Variants in SEMA3D observed in about 807,000 individuals in gnomAD.
The protein encoded by SEMA3D is semaphorin-3D.
SEMA3D carries 84 observed loss-of-function variants against 100.1 expected under a neutral mutation model. The observed-to-expected ratio is 0.84, with a 90% CI of 0.70 to 1.01. SEMA3D has a LOEUF of 1.01. SEMA3D is among the 50% of genes least tolerant of loss of function. The pLI is 0.00. For missense variants in SEMA3D, 875 were observed against 934.1 expected (o/e 0.94, Z 0.82); for synonymous variants, 312 against 320.7 (o/e 0.97, Z 0.29).
chr7:85,019,018 A>G (rs547927689), intron 14 of SEMA3D, among the ~76,000 whole-genome samples: 34 of 133,504 alleles, frequency 2.5e-4, no homozygotes, highest in African/African-American at 1.2e-3. Context: ...GAAATATATG[A>G]AAAAAAATTT....
At chr7:85,232,124 A>G in the SEMA3D span, among the ~76,000 whole-genome samples, 3 of 152,164 alleles carry the variant, frequency 2.0e-5, no homozygotes, top group Admixed American at 1.3e-4. Context: ...GCTACGAAAA[A>G]TGAGTGCATT....
At chr7:85,098,368 C>T (rs1293996283) in intron 3 of SEMA3D, among the ~76,000 whole-genome samples, 1 of 151,690 alleles carries the variant, frequency 6.6e-6, no homozygotes, top group Non-Finnish European at 1.5e-5. Context: ...AAATATTTTA[C>T]AACCCTGTGT....
chr7:85,227,801 G>T, the SEMA3D span, among the ~76,000 whole-genome samples: 2 of 151,960 alleles, frequency 1.3e-5, no homozygotes, highest in Admixed American at 6.6e-5. Flanking sequence ...TTTCTAAGTT[G>T]GACCTTATTA....
intron 1 of SEMA3D, among the ~76,000 whole-genome samples, chr7:85,176,555 T>A (rs1009481978): frequency 2.6e-5 from 4 of 152,096 alleles, no homozygotes; most frequent in Admixed American, 6.6e-5. Context: ...AAGCACAGAA[T>A]CAGGTCATTA....
the SEMA3D span, among the ~76,000 whole-genome samples, chr7:85,212,401 C>G: frequency 2.1e-4 from 32 of 152,172 alleles, no homozygotes; most frequent in Admixed American, 5.9e-4. Flanking sequence ...AATGGAAAAC[C>G]CTTCAGCCTT....
At chr7:85,216,478 A>G in the SEMA3D span, among the ~76,000 whole-genome samples, 27 of 152,004 alleles carry the variant, frequency 1.8e-4, no homozygotes, top group South Asian at 1.5e-3. Flanking sequence ...CATGTATACA[A>G]TTGTTGAAAT....
intron 3 of SEMA3D, among the ~76,000 whole-genome samples, chr7:85,104,541 C>T (rs556874943): frequency 6.6e-6 from 1 of 151,894 alleles, no homozygotes; most frequent in Non-Finnish European, 1.5e-5. Flanking sequence ...TACAATTGTT[C>T]ATTCAGCCTG....
At chr7:85,001,414 A>T (rs1789651422) in intron 18 of SEMA3D, among the ~76,000 whole-genome samples, 1 of 152,222 alleles carries the variant, frequency 6.6e-6, no homozygotes, top group Non-Finnish European at 1.5e-5. Context: ...ATTAATTTAC[A>T]TTCTCAGAAA....
At chr7:85,071,056 C>T (rs765503177) in intron 6 of SEMA3D, among the ~76,000 whole-genome samples, 6 of 152,172 alleles carry the variant, frequency 3.9e-5, no homozygotes, top group Non-Finnish European at 5.9e-5. Context: ...TGAGCCACTG[C>T]GTCCGGCCAG....
chr7:85,122,112 G>A (rs778001374), intron 2 of SEMA3D, among the ~76,000 whole-genome samples, 181 bp from the exon 3 acceptor site: 18 of 151,746 alleles, frequency 1.2e-4, no homozygotes, highest in Non-Finnish European at 2.1e-4. Context: ...GGGAGGGAGA[G>A]CATTAGGAGA....
intron 4 of SEMA3D, among the ~76,000 whole-genome samples, chr7:85,087,620 G>C (rs1788263841): frequency 6.6e-6 from 1 of 152,124 alleles, no homozygotes; most frequent in African/African-American, 2.4e-5. Context: ...CTGGCAAACA[G>C]AAGTAAATAA....
chr7:85,014,320 C>T (rs1316194091), intron 16 of SEMA3D, among the ~76,000 whole-genome samples: 3 of 151,716 alleles, frequency 2.0e-5, no homozygotes, highest in Non-Finnish European at 2.9e-5. Flanking sequence ...AAATAATTAA[C>T]ATAGTATATT....
intron 2 of SEMA3D, chr7:85,142,744 C>T (rs2116466044): frequency 1.0e-6 from 1 of 975,800 alleles, no homozygotes; most frequent in African/African-American, 1.8e-5. Context: ...GCTCCTCTTG[C>T]TTTTACACTA....
At position 85,167,484 on chromosome 7, in the gene SEMA3D, G is replaced by C. The variant is rs180904286; in HGVS notation, c.-172-13745C>G. 5 of 546,814 alleles carry C rather than the reference G, an allele frequency of 9.1e-6. No individual in the cohort carries two copies. The Admixed American group carries it at 3.2e-4, about 35-fold the overall frequency. 33.9% of individuals were successfully genotyped at this position (546,814 alleles called of 1,614,324 possible). A position where few individuals can be genotyped will look rare whatever the true frequency, so the allele number is the denominator to read the frequency against. ...TTGGACGTCTATTTGTGGTAGATTA[G>C]TAAGAATGTGACTTTGCCCATAAAA... On this transcript the variant is annotated intron_variant, in intron 1 of 18. Coordinates refer to ENST00000284136, the MANE Select transcript of SEMA3D (RefSeq NM_001384900.1).
chr7:85,141,797 G>A (rs372808465), intron 2 of SEMA3D: 2 of 756,470 alleles, frequency 2.6e-6, no homozygotes, highest in African/African-American at 1.9e-5. Flanking sequence ...GGGAAAAGGC[G>A]GTCAGTGTAA....
At chr7:85,245,042 A>T in the SEMA3D span, among the ~76,000 whole-genome samples, 1 of 152,264 alleles carries the variant, frequency 6.6e-6, no homozygotes, top group East Asian at 1.9e-4. Context: ...GTGAAACATG[A>T]AGTGACAAGT....
intron 3 of SEMA3D, among the ~76,000 whole-genome samples, chr7:85,120,053 G>A (rs979375604): frequency 6.6e-6 from 1 of 150,726 alleles, no homozygotes; most frequent in African/African-American, 2.4e-5. Flanking sequence ...CAATCCTCTC[G>A]CTTCAGCCTC....
the SEMA3D span, among the ~76,000 whole-genome samples, chr7:85,250,111 G>A: frequency 1.3e-5 from 2 of 152,070 alleles, no homozygotes; most frequent in African/African-American, 2.4e-5. Context: ...GGTGAAGGAC[G>A]CACCTGGAGA....
chr7:85,141,933 C>T, intron 2 of SEMA3D: 1 of 980,214 alleles, frequency 1.0e-6, no homozygotes, highest in Non-Finnish European at 1.2e-6. Context: ...GTGTGCAATG[C>T]ACTTTGCACT....
Sources: gnomAD v4.1 joint callset for allele counts (sites outside exome capture counted in the v4.1 genomes callset) on GRCh38, gnomAD v4.1.1 for gene constraint, MANE v1.5 for transcripts, NCBI Gene and HGNC (gene_info 2026-07-23, HGNC 2026-07-21) for gene names.